The following SPAG16 variants were observed in gnomAD, a reference collection of about 807,000 sequenced individuals.
SPAG16 encodes sperm associated antigen 16.
In SPAG16, 86 loss-of-function variants were observed where a neutral mutation model predicts 80.4. That is an observed-to-expected ratio of 1.07 (90% CI 0.90 to 1.28). The LOEUF is 1.28. Among genes scored for constraint, SPAG16 ranks in the 50% most tolerant of loss-of-function variants. The probability of loss-of-function intolerance (pLI) is 0.00; values close to 1 mark genes in which losing one functional copy is unlikely to be tolerated. For synonymous variants in SPAG16, 294 were observed against 265.9 expected, an observed-to-expected ratio of 1.11 and a Z score of -1.03; for missense variants, 870 against 765.3, an observed-to-expected ratio of 1.14 and a Z score of -1.61.
intron 15 of SPAG16, among the ~76,000 whole-genome samples, chr2:214,304,286 G>A (rs988327283): frequency 7.2e-5 from 11 of 152,188 alleles, no homozygotes; most frequent in Non-Finnish European, 8.8e-5. Context: ...ACTGTGACAT[G>A]TTCTTGATGG....
At chr2:214,210,282 G>A (rs1268744834) in intron 15 of SPAG16, among the ~76,000 whole-genome samples, 1 of 151,862 alleles carries the variant, frequency 6.6e-6, no homozygotes, top group East Asian at 1.9e-4. Context: ...CTTATACATG[G>A]ATTTTTTCAA....
intron 9 of SPAG16, among the ~76,000 whole-genome samples, chr2:213,471,150 T>G (rs1161866477): frequency 6.6e-6 from 1 of 152,162 alleles, no homozygotes; most frequent in Non-Finnish European, 1.5e-5. Context: ...ACCTGTATAT[T>G]GTGCAGAACC....
At chr2:213,574,261 C>T (rs764527577) in intron 10 of SPAG16, among the ~76,000 whole-genome samples, 1 of 152,046 alleles carries the variant, frequency 6.6e-6, no homozygotes, top group Admixed American at 6.6e-5. Context: ...AAATTTTTGC[C>T]CCATTACTTT....
chr2:213,466,621 A>G (rs111236999), intron 9 of SPAG16, among the ~76,000 whole-genome samples: 2,144 of 151,928 alleles, frequency 0.014, 28 homozygotes, highest in South Asian at 0.05. Context: ...ACAAGAGTAG[A>G]CCTAGATACT....
intron 13 of SPAG16, among the ~76,000 whole-genome samples, chr2:214,026,867 C>T: frequency 6.6e-6 from 1 of 151,552 alleles, no homozygotes; most frequent in Non-Finnish European, 1.5e-5. Context: ...AAAAAGGGAA[C>T]TCTTCTTGAG....
At chr2:213,442,898 A>G (rs536055425) in intron 9 of SPAG16, among the ~76,000 whole-genome samples, 1 of 152,272 alleles carries the variant, frequency 6.6e-6, no homozygotes, top group South Asian at 2.1e-4. Context: ...ATCGATAATT[A>G]ATTTTAATTG....
At chr2:214,190,947 C>T (rs2057642303) in intron 15 of SPAG16, among the ~76,000 whole-genome samples, 1 of 152,144 alleles carries the variant, frequency 6.6e-6, no homozygotes, top group African/African-American at 2.4e-5. Context: ...GCTGTAAATA[C>T]ATATTTGTCA....
intron 14 of SPAG16, among the ~76,000 whole-genome samples, chr2:214,135,443 CA>C (rs2054997752): frequency 2.0e-5 from 3 of 152,162 alleles, no homozygotes; most frequent in Admixed American, 2.0e-4. Context: ...ACCCCAATAA[CA>C]AAGTATGCAT....
chr2:214,214,737 G>C (rs1276911355), intron 15 of SPAG16, among the ~76,000 whole-genome samples: 1 of 151,524 alleles, frequency 6.6e-6, no homozygotes, highest in Non-Finnish European at 1.5e-5. Flanking sequence ...ATAAAATTAG[G>C]TATATTTATT....
intron 15 of SPAG16, among the ~76,000 whole-genome samples, chr2:214,187,752 G>T (rs1455976559): frequency 6.6e-6 from 1 of 151,404 alleles, no homozygotes. Flanking sequence ...CAGTTTTTCA[G>T]GTTACTCTTA....
intron 15 of SPAG16, among the ~76,000 whole-genome samples, chr2:214,261,445 G>T (rs1002578106): frequency 3.3e-5 from 5 of 152,096 alleles, no homozygotes; most frequent in African/African-American, 9.7e-5. Flanking sequence ...AGTCTCTCAG[G>T]ATTTAGACTT....
intron 7 of SPAG16, among the ~76,000 whole-genome samples, chr2:213,361,965 G>T (rs1270652375): frequency 6.6e-6 from 1 of 152,124 alleles, no homozygotes; most frequent in Non-Finnish European, 1.5e-5. Flanking sequence ...GCGGTTGGGG[G>T]TTAGGGCCAG....
intron 10 of SPAG16, among the ~76,000 whole-genome samples, chr2:213,802,795 C>T (rs889502565): frequency 1.3e-5 from 2 of 151,858 alleles, no homozygotes; most frequent in South Asian, 2.1e-4. Flanking sequence ...TAACTTCTGT[C>T]TCTCTCTTTT....
intron 9 of SPAG16, among the ~76,000 whole-genome samples, chr2:213,416,596 A>G (rs2069270401): frequency 6.6e-6 from 1 of 151,376 alleles, no homozygotes; most frequent in Non-Finnish European, 1.5e-5. Context: ...TATTTATATG[A>G]TTCACTGAGA....
intron 9 of SPAG16, among the ~76,000 whole-genome samples, chr2:213,402,681 G>T (rs2068385039): frequency 6.6e-6 from 1 of 151,624 alleles, no homozygotes; most frequent in South Asian, 2.1e-4. Context: ...GCGGTGTTTG[G>T]TTTTCTGTCC....
intron 15 of SPAG16, among the ~76,000 whole-genome samples, chr2:214,233,047 A>G (rs1455697312): frequency 6.6e-6 from 1 of 152,110 alleles, no homozygotes; most frequent in East Asian, 1.9e-4. Flanking sequence ...ATTCTTTTTT[A>G]TAAAGAGTTC....
intron 15 of SPAG16, among the ~76,000 whole-genome samples, chr2:214,260,952 C>CA (rs1691108560): frequency 6.6e-6 from 1 of 151,424 alleles, no homozygotes; most frequent in Non-Finnish European, 1.5e-5. Flanking sequence ...ACTAAAAGTA[C>CA]AAAAATTAGC....
At chr2:213,908,029 G>T (rs549289431) in intron 11 of SPAG16, among the ~76,000 whole-genome samples, 1 of 152,254 alleles carries the variant, frequency 6.6e-6, no homozygotes. Flanking sequence ...CCAACACAAA[G>T]AAATGATAAA....
intron 10 of SPAG16, among the ~76,000 whole-genome samples, chr2:213,614,689 A>G (rs2061539422): frequency 6.6e-6 from 1 of 152,216 alleles, no homozygotes; most frequent in Admixed American, 6.5e-5. Flanking sequence ...CTTAAGTGTG[A>G]TTAATCTTCT....
Sources: gnomAD v4.1 joint callset for allele counts (sites outside exome capture counted in the v4.1 genomes callset) on GRCh38, gnomAD v4.1.1 for gene constraint, MANE v1.5 for transcripts, NCBI Gene and HGNC (gene_info 2026-07-23, HGNC 2026-07-21) for gene names.